The following GRIK4 variants were observed in gnomAD, a reference collection of about 807,000 sequenced individuals.
The protein encoded by GRIK4 is glutamate ionotropic receptor kainate type subunit 4, also known as glutamate receptor ionotropic, kainate 4.
GRIK4 carries 40 observed loss-of-function variants against 104.9 expected under a neutral mutation model. The observed-to-expected ratio is 0.38, with a 90% CI of 0.30 to 0.50. The LOEUF (loss-of-function observed/expected upper bound fraction) is 0.50, where lower values mean the gene tolerates loss of function less well. Among genes scored for constraint, GRIK4 ranks in the 20% least tolerant of loss-of-function variants. The probability of loss-of-function intolerance (pLI) is 0.93; values close to 1 mark genes in which losing one functional copy is unlikely to be tolerated. For missense variants in GRIK4, 1,047 were observed against 1,308.1 expected, an observed-to-expected ratio of 0.80 and a Z score of 3.08; for synonymous variants, 485 against 524.9, an observed-to-expected ratio of 0.92 and a Z score of 1.04.
intron 8 of GRIK4, among the ~76,000 whole-genome samples, chr11:120,856,550 G>T (rs1189574521): frequency 6.6e-6 from 1 of 152,164 alleles, no homozygotes; most frequent in Non-Finnish European, 1.5e-5. Context: ...CAGTTGACTG[G>T]GTGTGGAGTT....
intron 3 of GRIK4, among the ~76,000 whole-genome samples, chr11:120,685,163 G>T (rs929315846): frequency 3.9e-5 from 6 of 152,212 alleles, no homozygotes; most frequent in African/African-American, 1.2e-4. Context: ...GGTGCCAAGA[G>T]GAACCAGGTG....
chr11:120,830,187 GAA>G (rs559392750), intron 6 of GRIK4, among the ~76,000 whole-genome samples: 31 of 112,768 alleles, frequency 2.7e-4, no homozygotes, highest in African/African-American at 7.9e-4. Context: ...TTCCTATGAA[GAA>G]AAAAAAAAAA....
At chr11:120,601,611 T>A (rs369330563) in intron 1 of GRIK4, among the ~76,000 whole-genome samples, 1 of 150,032 alleles carries the variant, frequency 6.7e-6, no homozygotes. Flanking sequence ...CATAATTGAC[T>A]GGTTTTTTTT....
intron 14 of GRIK4, among the ~76,000 whole-genome samples, chr11:120,943,868 T>C (rs1325638592): frequency 6.6e-6 from 1 of 152,242 alleles, no homozygotes; most frequent in Non-Finnish European, 1.5e-5. Context: ...GTGGCAAGTA[T>C]GCCTCTGAAG....
intron 1 of GRIK4, among the ~76,000 whole-genome samples, chr11:120,635,002 G>C (rs919284141): frequency 6.6e-6 from 1 of 152,294 alleles, no homozygotes; most frequent in South Asian, 2.1e-4. Context: ...ACAGACCAGG[G>C]AGGCCAGAGG....
intron 3 of GRIK4, among the ~76,000 whole-genome samples, chr11:120,715,081 G>A (rs1249357429): frequency 2.0e-5 from 3 of 152,168 alleles, no homozygotes; most frequent in Non-Finnish European, 2.9e-5. Context: ...ACCTTCATCC[G>A]TGGGACTGGA....
intron 3 of GRIK4, among the ~76,000 whole-genome samples, chr11:120,700,015 A>G (rs1950525690): frequency 6.6e-6 from 1 of 152,212 alleles, no homozygotes; most frequent in African/African-American, 2.4e-5. Flanking sequence ...TTTTTACAGA[A>G]ATAAACTTTA....
intron 3 of GRIK4, among the ~76,000 whole-genome samples, chr11:120,725,183 G>A (rs1322452719): frequency 2.6e-5 from 4 of 152,202 alleles, no homozygotes; most frequent in African/African-American, 7.2e-5. Context: ...TTGAATAAGA[G>A]TTGAGAACCA....
chr11:120,626,188 A>G lies in GRIK4; in HGVS notation c.-158-27497A>G, dbSNP rs74904972. Among the ~76,000 whole-genome samples the G allele has an allele frequency of 7.3e-3, 1,118 of 152,314 alleles. 15 individuals carry two copies. The highest frequency in any genetic ancestry group is 0.025 in the African/African-American group (1,042 of 41,570). On this transcript the variant is annotated intron_variant, in intron 1 of 20. Transcript: ENST00000527524. Reference sequence around the variant, plus strand: ...TGTACATGTATCTCTTTGAGTCCTTAGAGCTGCTATTAGTCTAGAGGGCTG... The same window carrying G: ...TGTACATGTATCTCTTTGAGTCCTTGGAGCTGCTATTAGTCTAGAGGGCTG...
chr11:120,764,653 G>A (rs1418785599), intron 3 of GRIK4, among the ~76,000 whole-genome samples: 1 of 151,786 alleles, frequency 6.6e-6, no homozygotes, highest in Non-Finnish European at 1.5e-5. Flanking sequence ...CAGGCCTGGT[G>A]GTGATAAAAT....
chr11:120,529,798 C>T (rs1472235497), intron 1 of GRIK4, among the ~76,000 whole-genome samples: 1 of 152,210 alleles, frequency 6.6e-6, no homozygotes, highest in Non-Finnish European at 1.5e-5. Context: ...TTAATCTCTC[C>T]AACAAAGGTG....
At chr11:120,518,806 A>T (rs1407448988) in intron 1 of GRIK4, among the ~76,000 whole-genome samples, 1 of 152,084 alleles carries the variant, frequency 6.6e-6, no homozygotes, top group Non-Finnish European at 1.5e-5. Flanking sequence ...TTTTTAGTAG[A>T]TACCAGGTTT....
At chr11:120,775,500 T>C (rs1022957037) in intron 3 of GRIK4, among the ~76,000 whole-genome samples, 1 of 152,222 alleles carries the variant, frequency 6.6e-6, no homozygotes, top group Non-Finnish European at 1.5e-5. Flanking sequence ...TGTTCATGAA[T>C]ATTGAAAGTG....
At chr11:120,885,606 A>C (rs541357564) in intron 11 of GRIK4, among the ~76,000 whole-genome samples, 5 of 152,226 alleles carry the variant, frequency 3.3e-5, no homozygotes, top group African/African-American at 1.2e-4. Flanking sequence ...GCTGATCTCG[A>C]ACTCCTGACC....
At chr11:120,750,042 C>G (rs1213023168) in intron 3 of GRIK4, among the ~76,000 whole-genome samples, 2 of 152,040 alleles carry the variant, frequency 1.3e-5, no homozygotes, top group Non-Finnish European at 2.9e-5. Context: ...CTCAGAGGTC[C>G]TGGTTTAGCC....
At chr11:120,816,693 A>G (rs930111211) in intron 5 of GRIK4, among the ~76,000 whole-genome samples, 3 of 152,094 alleles carry the variant, frequency 2.0e-5, no homozygotes, top group Admixed American at 6.5e-5. Context: ...CTTTGGGCAG[A>G]AGAATATTTA....
rs1041989735 is a variant in GRIK4, at chr11:120,923,498, C to T, written c.1477-16849C>T. Among the ~76,000 whole-genome samples the T allele has an allele frequency of 3.1e-4, 47 of 150,158 alleles. 1 individual carries two copies. The highest frequency in any genetic ancestry group is 6.6e-4 in the Admixed American group (10 of 15,070). On this transcript the variant is annotated intron_variant, in intron 13 of 20. Coordinates refer to ENST00000527524, the MANE Select transcript of GRIK4 (RefSeq NM_014619.5). Reference sequence around the variant, plus strand: ...CGCGATCTCGGCTCACTGCAAGCTCCGCCTCCCGGGTTCACACCATTCTCC... The same window carrying T: ...CGCGATCTCGGCTCACTGCAAGCTCTGCCTCCCGGGTTCACACCATTCTCC...
chr11:120,872,407 A>T (rs977271691), intron 9 of GRIK4: 1 of 160,894 alleles, frequency 6.2e-6, no homozygotes, highest in Non-Finnish European at 1.4e-5. Flanking sequence ...CCTCCATCCA[A>T]CCGTGGAGGG....
rs1953533924 is a variant in GRIK4 at position 120,834,915 on chromosome 11, G to A, written c.691-1876G>A. ...CCCCCAGCCTGTCGCTGTAAGCAGCGGGCTCGCTCCGTGGGTCGCATCCGT... is the reference window on the plus strand; with the variant it reads ...CCCCCAGCCTGTCGCTGTAAGCAGCAGGCTCGCTCCGTGGGTCGCATCCGT... On this transcript the variant is annotated intron_variant, in intron 7 of 20. Coordinates refer to ENST00000527524, the MANE Select transcript of GRIK4 (RefSeq NM_014619.5). 2.6e-5 allele frequency among the ~76,000 whole-genome samples: 4 copies of A among 152,342 alleles called. 1 individual carries two copies. In the South Asian group the frequency reaches 6.2e-4, roughly 24 times the overall value.
Sources: allele counts gnomAD v4.1 joint callset (sites outside exome capture counted in the v4.1 genomes callset), GRCh38; gene constraint gnomAD v4.1.1; transcripts MANE v1.5; gene names NCBI Gene and HGNC (gene_info 2026-07-23, HGNC 2026-07-21).